Variants in BOC observed in about 807,000 individuals in gnomAD.
BOC encodes the protein BOC cell adhesion associated, oncogene regulated.
In BOC, 76 loss-of-function variants were observed where a neutral mutation model predicts 112.0. That is an observed-to-expected ratio of 0.68 (90% CI 0.56 to 0.82). The LOEUF (loss-of-function observed/expected upper bound fraction) is 0.82, where lower values mean the gene tolerates loss of function less well. Among genes scored for constraint, BOC ranks in the 40% least tolerant of loss-of-function variants. The pLI, the probability that BOC is intolerant of heterozygous loss-of-function variation, is 0.00. For synonymous variants in BOC, 580 were observed against 599.8 expected (o/e 0.97, Z 0.48); for missense variants, 1,309 against 1,511.7 (o/e 0.87, Z 2.22).
At chr3:113,238,837 T>C (rs1452577519) in intron 2 of BOC, among the ~76,000 whole-genome samples, 1 of 152,220 alleles carries the variant, frequency 6.6e-6, no homozygotes, top group East Asian at 1.9e-4. Context: ...CAATGGCCTA[T>C]AGGAGGTGCT....
intron 4 of BOC, among the ~76,000 whole-genome samples, chr3:113,258,068 G>C (rs550704901): frequency 6.6e-6 from 1 of 152,322 alleles, no homozygotes; most frequent in East Asian, 1.9e-4. Flanking sequence ...TTTAATGGGA[G>C]CTCGGAGGCT....
intron 16 of BOC, among the ~76,000 whole-genome samples, chr3:113,284,090 C>G (rs1192848636): frequency 6.6e-6 from 1 of 152,142 alleles, no homozygotes; most frequent in African/African-American, 2.4e-5. Flanking sequence ...CCTCCTGCCC[C>G]CAAGCCCTGG....
intron 13 of BOC, 25 bp downstream of exon 13, chr3:113,280,030 C>T (rs1949045182): frequency 1.9e-6 from 3 of 1,575,190 alleles, no homozygotes; most frequent in South Asian, 1.2e-5. Context: ...CCGTGGACTG[C>T]AGTGGAAGAC....
intron 4 of BOC, among the ~76,000 whole-genome samples, chr3:113,267,796 C>T (rs963193318): frequency 6.6e-6 from 1 of 152,168 alleles, no homozygotes; most frequent in Admixed American, 6.5e-5. Context: ...GGCGCGATCT[C>T]GGCTCACTGC....
At chr3:113,247,664 G>A (rs73235142) in intron 2 of BOC, among the ~76,000 whole-genome samples, 1 of 151,918 alleles carries the variant, frequency 6.6e-6, no homozygotes, top group African/African-American at 2.4e-5. Flanking sequence ...GGATATAGTC[G>A]TCACCTTGCA....
chr3:113,273,416 GAACCCCAGT>G lies in BOC; in HGVS notation c.1234+77_1234+85del. 4 of 1,456,750 alleles carry G rather than the reference GAACCCCAGT, an allele frequency of 2.7e-6. No individual in the cohort carries two copies. The East Asian group carries it at 9.7e-5, about 35-fold the overall frequency. 90.2% of individuals were successfully genotyped at this position (1,456,750 alleles called of 1,614,324 possible). ...CTTTTCTCAAATGAAATCTAACTTG[GAACCCCAGT>G]ATATAAGATAGAAAAAAGTAGCTTT... On this transcript the variant is annotated intron_variant, in intron 8 of 19. Transcript: ENST00000682979.
intron 2 of BOC, among the ~76,000 whole-genome samples, chr3:113,233,148 G>GGGGGTGTGT (rs75678874): frequency 7.3e-5 from 9 of 123,960 alleles, no homozygotes; most frequent in East Asian, 2.5e-4. Flanking sequence ...AAAGGATTGG[G>GGGGGTGTGT]GTGTGTGTGT....
Position 113,279,464 on chromosome 3 carries a change from C to A in BOC, c.2023+9C>A, listed in dbSNP as rs1262504675. ...CACGGGCCTAGAGAAAGGTAGGGGC[C>A]TGGCCACACCGTGGCCTTGGCCTGA... On this transcript the variant is annotated intron_variant, in intron 12 of 19. Transcript: ENST00000682979. 20 of 1,612,664 alleles carry A rather than the reference C, an allele frequency of 1.2e-5. No homozygotes were observed. The highest frequency in any genetic ancestry group is 1.5e-5 in the Non-Finnish European group (18 of 1,179,698).
At chr3:113,283,733 C>A in intron 16 of BOC, 101 bp downstream of exon 16, 4 of 1,147,984 alleles carry the variant, frequency 3.5e-6, no homozygotes, top group Non-Finnish European at 2.5e-6. Context: ...AGCTCAAGCC[C>A]AAGTCCCCCA....
chr3:113,226,925 A>G (rs1003213303), intron 2 of BOC, among the ~76,000 whole-genome samples: 17 of 152,218 alleles, frequency 1.1e-4, no homozygotes, highest in Non-Finnish European at 2.5e-4. Flanking sequence ...TGGCCTTTCA[A>G]TTGACCAGTT....
rs147404105 is a variant in BOC at position 113,274,645 on chromosome 3, G to A, written c.1505G>A (p.Arg502Gln). ...VWRPRHEGSG[R>Q]APILYYVVKH... ...CGGCCTCGGCATGAGGGCAGTGGCCGGGCGCCAATCCTCTACTATGTGGTG... is the reference window on the plus strand; with the variant it reads ...CGGCCTCGGCATGAGGGCAGTGGCCAGGCGCCAATCCTCTACTATGTGGTG... Residue 502 changes from arginine (R) to glutamine (Q), a missense_variant, in exon 9 of 20, where the codon CGG becomes CAG. Physicochemically the swap from Arg to Gln is conservative, Grantham distance 43. Coordinates refer to ENST00000682979, the MANE Select transcript of BOC (RefSeq NM_001378074.1). This position sits in a 1 kb window ranked among gnomAD's most constrained non-coding sequence, Gnocchi z 4.8. 1.2e-4 allele frequency: 188 copies of A among 1,607,974 alleles called. No homozygotes were observed. Among genetic ancestry groups the A allele is most frequent in the African/African-American group, 9.8e-4 (73 of 74,822 alleles).
intron 18 of BOC, 46 bp from the exon 19 acceptor site, chr3:113,285,326 C>T (rs751843021): frequency 6.3e-7 from 1 of 1,589,532 alleles, no homozygotes; most frequent in Non-Finnish European, 8.6e-7. Context: ...GGCGACAGGC[C>T]CACCCTGCCC....
chr3:113,231,692 G>A (rs893350169), intron 2 of BOC, among the ~76,000 whole-genome samples: 1 of 152,108 alleles, frequency 6.6e-6, no homozygotes, highest in African/African-American at 2.4e-5. Flanking sequence ...TCTTAATATA[G>A]CATTTTCCTA....
Position 113,287,105 on chromosome 3 carries a change from G to A in BOC, c.*243G>A, listed in dbSNP as rs2399476. 0.04 allele frequency: 20,923 copies of A among 523,256 alleles called. 583 individuals are homozygous for A. Among genetic ancestry groups the A allele is most frequent in the East Asian group, 0.11 (2,086 of 19,516 alleles). 32.4% of individuals were successfully genotyped at this position (523,256 alleles called of 1,614,324 possible). A position where few individuals can be genotyped will look rare whatever the true frequency, so the allele number is the denominator to read the frequency against. On this transcript the variant is annotated 3_prime_UTR_variant, in exon 20 of 20. Transcript: ENST00000682979. ...AACAGGAGTCACCCAGGAAAGCACC[G>A]CACAGGCTGGCGCGGGACAGACTCC... is the stretch of plus-strand genomic sequence containing the variant.
At chr3:113,257,518 C>T (rs544220363) in intron 4 of BOC, among the ~76,000 whole-genome samples, 1 of 152,036 alleles carries the variant, frequency 6.6e-6, no homozygotes, top group Non-Finnish European at 1.5e-5. Flanking sequence ...TTCCCCTAGT[C>T]TTGATTTTTA....
intron 2 of BOC, among the ~76,000 whole-genome samples, chr3:113,232,108 C>T (rs555225242): frequency 6.6e-6 from 1 of 152,144 alleles, no homozygotes; most frequent in Non-Finnish European, 1.5e-5. Flanking sequence ...ATCCCCACCC[C>T]CTCTGCTCCT....
intron 1 of BOC, among the ~76,000 whole-genome samples, chr3:113,212,975 G>T (rs568433574): frequency 6.6e-6 from 1 of 152,156 alleles, no homozygotes; most frequent in Admixed American, 6.5e-5. Flanking sequence ...GATGAGAGAG[G>T]CAGGCAGACC....
chr3:113,262,942 A>G (rs1947051544), intron 4 of BOC, among the ~76,000 whole-genome samples: 1 of 152,244 alleles, frequency 6.6e-6, no homozygotes, highest in Non-Finnish European at 1.5e-5. Flanking sequence ...GCCATGAGCC[A>G]GAAGCTCAAC....
intron 4 of BOC, among the ~76,000 whole-genome samples, chr3:113,265,959 G>T (rs1947435662): frequency 6.6e-6 from 1 of 152,242 alleles, no homozygotes; most frequent in Non-Finnish European, 1.5e-5. Context: ...AGAACTTGGG[G>T]TTGGGGTGAA....
Sources: allele counts gnomAD v4.1 joint callset (sites outside exome capture counted in the v4.1 genomes callset), GRCh38; gene constraint gnomAD v4.1.1; non-coding constraint Gnocchi (gnomAD v3.1); transcripts MANE v1.5; gene names NCBI Gene and HGNC (gene_info 2026-07-23, HGNC 2026-07-21).